The following CRB1 variants were observed in gnomAD, a reference collection of about 807,000 sequenced individuals.
CRB1 encodes the protein protein crumbs homolog 1.
A neutral mutation model predicts 120.0 loss-of-function variants in CRB1; 83 were observed. The observed-to-expected ratio is 0.69, with a 90% CI of 0.58 to 0.83. The LOEUF (loss-of-function observed/expected upper bound fraction) is 0.83. CRB1 is among the 40% of genes least tolerant of loss of function. CRB1 has a pLI of 0.00. For synonymous variants in CRB1, 625 were observed against 612.5 expected, an observed-to-expected ratio of 1.02 and a Z score of -0.30; for missense variants, 1,699 against 1,687.6, an observed-to-expected ratio of 1.01 and a Z score of -0.12.
chr1:197,364,814 T>A lies in CRB1; in HGVS notation c.1171+7801T>A, dbSNP rs151197941. On this transcript the variant is annotated intron_variant, in intron 5 of 11. Transcript: ENST00000367400. ...GGAGAATTTGTAATTGCTTTTTAAA[T>A]CATTTTTATGCTGGTTGTTTTAAAA... Among the ~76,000 whole-genome samples, 480 of 152,308 alleles carry A rather than the reference T, an allele frequency of 3.2e-3. 25 individuals are homozygous for A. The highest frequency in any genetic ancestry group is 0.027 in the Admixed American group (418 of 15,304).
chr1:197,370,916 A>G (rs1661336144), intron 5 of CRB1, among the ~76,000 whole-genome samples: 2 of 152,160 alleles, frequency 1.3e-5, no homozygotes, highest in Admixed American at 6.6e-5. Flanking sequence ...CTTATTTCCA[A>G]TGACTGTGAC....
chr1:197,353,599 G>A (rs1179716281), intron 4 of CRB1, among the ~76,000 whole-genome samples: 4 of 151,972 alleles, frequency 2.6e-5, no homozygotes, highest in East Asian at 1.9e-4. Flanking sequence ...TCAGGAGCTC[G>A]AGACTAGACT....
upstream of CRB1, among the ~76,000 whole-genome samples, chr1:197,265,071 A>G (rs1458794397): frequency 6.6e-6 from 1 of 152,158 alleles, no homozygotes; most frequent in African/African-American, 2.4e-5. Flanking sequence ...TTTCCCACTC[A>G]TTGTGTCCAA....
chr1:197,261,634 TAAC>T, the CRB1 span, among the ~76,000 whole-genome samples: 5 of 152,322 alleles, frequency 3.3e-5, no homozygotes, highest in East Asian at 3.9e-4. Flanking sequence ...CATTAACAAA[TAAC>T]AATGATTACT....
At chr1:197,224,638 G>A in the CRB1 span, among the ~76,000 whole-genome samples, 1 of 151,904 alleles carries the variant, frequency 6.6e-6, no homozygotes, top group Non-Finnish European at 1.5e-5. Flanking sequence ...TTATTCTTCT[G>A]TTACCTTTTT....
In CRB1 at chr1:197,435,121, T is replaced by C; in HGVS notation, c.3258T>C (p.Ala1086=). Residue 1086 remains alanine (A), a synonymous_variant, in exon 9 of 12, where the codon GCT becomes GCC. Coordinates refer to ENST00000367400, the MANE Select transcript of CRB1 (RefSeq NM_201253.3). ...CAGATATTTATGTGGGAGACAGAGC[T>C]ATTGACAATATAAAGGGCCTGCAAG... ...DNTDIYVGDR[A]IDNIKGLQGC... 1 of 1,613,938 alleles carries C rather than the reference T, an allele frequency of 6.2e-7. No homozygotes were observed. The highest frequency in any genetic ancestry group is 8.5e-7 in the Non-Finnish European group (1 of 1,179,884).
chr1:197,284,218 A>G (rs1453528209), intron 1 of CRB1, among the ~76,000 whole-genome samples: 1 of 151,928 alleles, frequency 6.6e-6, no homozygotes, highest in Non-Finnish European at 1.5e-5. Flanking sequence ...ACTTGTCTTG[A>G]AGAAAATGCA....
intron 5 of CRB1, among the ~76,000 whole-genome samples, chr1:197,400,483 T>TGA (rs1663008750): frequency 6.6e-6 from 1 of 151,240 alleles, no homozygotes; most frequent in Non-Finnish European, 1.5e-5. Flanking sequence ...TTTTTTTTTT[T>TGA]TGATGATGAT....
intron 1 of CRB1, among the ~76,000 whole-genome samples, chr1:197,288,244 T>G (rs976078096): frequency 1.3e-5 from 2 of 151,722 alleles, no homozygotes; most frequent in Non-Finnish European, 2.9e-5. Context: ...TGATTAGAGA[T>G]AATAATGCCC....
intron 1 of CRB1, among the ~76,000 whole-genome samples, chr1:197,299,509 A>G (rs1177318317): frequency 2.6e-5 from 4 of 152,164 alleles, no homozygotes; most frequent in Non-Finnish European, 5.9e-5. Context: ...CTACACACAC[A>G]CTAAAGGAAA....
intron 11 of CRB1, among the ~76,000 whole-genome samples, chr1:197,466,904 A>T (rs1008172629): frequency 2.0e-5 from 3 of 152,228 alleles, no homozygotes; most frequent in Non-Finnish European, 4.4e-5. Context: ...GTCCATGAAC[A>T]CCCAATGTGT....
intron 5 of CRB1, among the ~76,000 whole-genome samples, chr1:197,405,914 G>GC (rs1393886126): frequency 2.6e-5 from 4 of 151,392 alleles, no homozygotes; most frequent in African/African-American, 9.7e-5. Context: ...GTGGGGGTCA[G>GC]CCCCCGCCAG....
the CRB1 span, among the ~76,000 whole-genome samples, chr1:197,248,494 A>T: frequency 6.6e-6 from 1 of 152,048 alleles, no homozygotes; most frequent in Non-Finnish European, 1.5e-5. Flanking sequence ...TGTAATAAAT[A>T]CTTCAAATAC....
the CRB1 span, among the ~76,000 whole-genome samples, chr1:197,211,714 A>T: frequency 6.6e-6 from 1 of 152,252 alleles, no homozygotes; most frequent in African/African-American, 2.4e-5. Flanking sequence ...CCATATTCAT[A>T]AAGTGGAAAA....
At chr1:197,325,656 C>A (rs1387339693) in intron 1 of CRB1, among the ~76,000 whole-genome samples, 4 of 152,108 alleles carry the variant, frequency 2.6e-5, no homozygotes, top group Non-Finnish European at 5.9e-5. Flanking sequence ...GTGACATATT[C>A]TTTTCCTATC....
chr1:197,414,288 A>G (rs967336704), intron 5 of CRB1, among the ~76,000 whole-genome samples: 5 of 152,164 alleles, frequency 3.3e-5, no homozygotes, highest in African/African-American at 1.2e-4. Flanking sequence ...TAGTATATAT[A>G]TATCTAGGGT....
At chr1:197,242,530 C>A in the CRB1 span, among the ~76,000 whole-genome samples, 1 of 152,118 alleles carries the variant, frequency 6.6e-6, no homozygotes, top group East Asian at 1.9e-4. Flanking sequence ...ATGAAGCCAA[C>A]TTGATTGTGG....
Position 197,453,928 on chromosome 1 carries a change from ATAT to A in CRB1, c.4005+11642_4005+11644del, listed in dbSNP as rs1238937626. 1.8e-3 allele frequency among the ~76,000 whole-genome samples: 73 copies of A among 40,560 alleles called. 1 individual carries two copies. Among genetic ancestry groups the A allele is most frequent in the African/African-American group, 7.1e-3 (67 of 9,430 alleles). 26.6% of individuals were successfully genotyped at this position (40,560 alleles called of 152,430 possible). The stretch of plus-strand genomic sequence containing the variant: ...ATTAATATATATTATTGATATTATT[ATAT>A]TATTAATAATATATATTATTGATAT... On this transcript the variant is annotated intron_variant, in intron 11 of 11. Transcript: ENST00000367400.
chr1:197,244,976 T>G, the CRB1 span, among the ~76,000 whole-genome samples: 8 of 152,060 alleles, frequency 5.3e-5, no homozygotes, highest in African/African-American at 1.9e-4. Flanking sequence ...TGTTGAGGTT[T>G]GTTTGTCTGT....
Sources: gnomAD v4.1 joint callset for allele counts (sites outside exome capture counted in the v4.1 genomes callset) on GRCh38, gnomAD v4.1.1 for gene constraint, MANE v1.5 for transcripts, NCBI Gene and HGNC (gene_info 2026-07-23, HGNC 2026-07-21) for gene names.